ANO3: variants seen among roughly 807,000 people sequenced by gnomAD.
ANO3 encodes the protein anoctamin 3.
ANO3 carries 99 observed loss-of-function variants against 144.8 expected under a neutral mutation model. The observed-to-expected ratio is 0.68, with a 90% CI of 0.58 to 0.81. The LOEUF is 0.81. Ranked by LOEUF, ANO3 falls within the 30% of genes least tolerant of loss-of-function variation. ANO3 has a pLI of 0.00. For synonymous variants in ANO3, 414 were observed against 392.6 expected, an observed-to-expected ratio of 1.05 and a Z score of -0.64; for missense variants, 905 against 1,202.2, an observed-to-expected ratio of 0.75 and a Z score of 3.66.
intron 1 of ANO3, among the ~76,000 whole-genome samples, chr11:26,385,893 G>GTGTATATATATATATATATATATATA (rs1183332896): frequency 2.1e-5 from 3 of 143,694 alleles, no homozygotes; most frequent in African/African-American, 8.1e-5. Flanking sequence ...CTTTGTGTGT[G>GTGTATATATATATATATATATATATA]TATATATATT....
At chr11:26,403,834 T>C (rs937104114) in intron 1 of ANO3, among the ~76,000 whole-genome samples, 1 of 151,876 alleles carries the variant, frequency 6.6e-6, no homozygotes. Flanking sequence ...ATTTCAAGCA[T>C]TTTAAAATTC....
intron 1 of ANO3, among the ~76,000 whole-genome samples, chr11:26,400,001 T>A (rs1195747849): frequency 1.3e-5 from 2 of 152,112 alleles, no homozygotes; most frequent in Non-Finnish European, 2.9e-5. Context: ...CATATAATTC[T>A]GCTAACCACA....
At position 26,385,908 on chromosome 11, in the gene ANO3, T is replaced by TATATATATATATATATATATATAC. The variant is rs1310559300; in HGVS notation, c.46+53588_46+53589insTATATATATATATATATATATACA. On this transcript the variant is annotated intron_variant, in intron 1 of 26. Transcript: ENST00000256737. ...CTTTGTGTGTGTATATATATTTATA[T>TATATATATATATATATATATATAC]ACATATTTACATGTATAAGCATACA... Among the ~76,000 whole-genome samples the TATATATATATATATATATATATAC allele has an allele frequency of 2.5e-3, 376 of 149,334 alleles. 2 individuals carry two copies. Among genetic ancestry groups the TATATATATATATATATATATATAC allele is most frequent in the African/African-American group, 3.3e-3 (133 of 39,768 alleles).
At chr11:26,379,227 A>AAAAGATC (rs963055029) in intron 1 of ANO3, among the ~76,000 whole-genome samples, 35 of 152,316 alleles carry the variant, frequency 2.3e-4, no homozygotes, top group African/African-American at 7.9e-4. Context: ...GTGGAAAGAG[A>AAAAGATC]AAAGATCAAA....
intron 1 of ANO3, among the ~76,000 whole-genome samples, chr11:26,233,948 A>T (rs11029409): frequency 6.6e-6 from 1 of 151,808 alleles, no homozygotes; most frequent in Non-Finnish European, 1.5e-5. Flanking sequence ...GTCAGTAGGT[A>T]GGGGGCAAGG....
At chr11:26,447,598 A>C (rs1858750178) in intron 3 of ANO3, among the ~76,000 whole-genome samples, 1 of 152,264 alleles carries the variant, frequency 6.6e-6, no homozygotes, top group African/African-American at 2.4e-5. Flanking sequence ...AGGTGAAGAT[A>C]AAGCTGCATG....
rs1853696227 is a variant in ANO3 at position 26,656,575 on chromosome 11, A to G, written c.2763+94A>G. ...TTTGAAATCAGTTCCTCAGACTTCC[A>G]TAAAAACACTTAAGTAGGTCCCGTA... On this transcript the variant is annotated intron_variant, in intron 26 of 26. Coordinates refer to ENST00000256737, the MANE Select transcript of ANO3 (RefSeq NM_031418.4). 6.2e-6 allele frequency: 5 copies of G among 812,316 alleles called. No homozygotes were observed. The South Asian group carries it at 7.7e-5, about 12-fold the overall frequency. 50.3% of individuals were successfully genotyped at this position (812,316 alleles called of 1,614,324 possible).
chr11:26,447,667 AT>A (rs200504180), intron 3 of ANO3, among the ~76,000 whole-genome samples: 50 of 150,332 alleles, frequency 3.3e-4, no homozygotes, highest in African/African-American at 5.9e-4. Flanking sequence ...AATGAGTTTG[AT>A]TTTTTTTTTG....
chr11:26,567,002 A>C (rs1376787681), intron 14 of ANO3: 2 of 1,373,724 alleles, frequency 1.5e-6, no homozygotes, highest in African/African-American at 2.9e-5. Context: ...ATATATCTAT[A>C]GTGTCTTTTT....
intron 1 of ANO3, among the ~76,000 whole-genome samples, chr11:26,409,954 C>T (rs980785048): frequency 2.0e-5 from 3 of 151,898 alleles, no homozygotes; most frequent in African/African-American, 4.8e-5. Context: ...ATTTTCTACA[C>T]GATTGTAAGC....
intron 1 of ANO3, among the ~76,000 whole-genome samples, chr11:26,390,058 T>C (rs1488005641): frequency 6.6e-6 from 1 of 152,098 alleles, no homozygotes; most frequent in Non-Finnish European, 1.5e-5. Context: ...CAATAATCCA[T>C]TCAACCATTT....
chr11:26,393,746 T>C (rs996701588), intron 1 of ANO3, among the ~76,000 whole-genome samples: 1 of 152,232 alleles, frequency 6.6e-6, no homozygotes, highest in Admixed American at 6.5e-5. Context: ...GTCTCATTTT[T>C]TCTTTTGATG....
chr11:26,616,076 T>C (rs1195716143), intron 17 of ANO3, among the ~76,000 whole-genome samples: 2 of 152,342 alleles, frequency 1.3e-5, no homozygotes, highest in Non-Finnish European at 1.5e-5. Context: ...AGTAATCTTA[T>C]TTTTAAAATG....
intron 17 of ANO3, among the ~76,000 whole-genome samples, chr11:26,611,872 T>G (rs534495167): frequency 2.6e-5 from 4 of 152,088 alleles, no homozygotes; most frequent in Non-Finnish European, 5.9e-5. Flanking sequence ...TTTTTTTGTC[T>G]TTTTACAGTT....
intron 1 of ANO3, among the ~76,000 whole-genome samples, chr11:26,351,233 A>G (rs1409652656): frequency 2.0e-5 from 3 of 151,642 alleles, no homozygotes; most frequent in Admixed American, 1.3e-4. Context: ...TTCCATGGGT[A>G]CATTCTATTT....
chr11:26,621,477 C>T (rs1010459044), intron 17 of ANO3, among the ~76,000 whole-genome samples: 28 of 152,122 alleles, frequency 1.8e-4, no homozygotes, highest in Non-Finnish European at 7.3e-5. Flanking sequence ...TCATTGCATG[C>T]ACTTCTCTGC....
At chr11:26,351,895 A>G (rs2133913530) in intron 1 of ANO3, among the ~76,000 whole-genome samples, 1 of 152,304 alleles carries the variant, frequency 6.6e-6, no homozygotes, top group South Asian at 2.1e-4. Context: ...TTGAAAATGC[A>G]AAGACAGGTA....
intron 6 of ANO3, among the ~76,000 whole-genome samples, chr11:26,522,324 T>A (rs937290874): frequency 6.6e-6 from 1 of 152,152 alleles, no homozygotes; most frequent in Non-Finnish European, 1.5e-5. Context: ...GGCCAATCTA[T>A]AAAATAGGAG....
At chr11:26,656,034 T>C (rs1052283662) in intron 24 of ANO3, 91 bp from the exon 25 acceptor site, 4 of 1,022,330 alleles carry the variant, frequency 3.9e-6, no homozygotes, top group East Asian at 2.4e-5. Flanking sequence ...GAAAGAATAA[T>C]ACATTTGTAA....
Sources: gnomAD v4.1 joint callset for allele counts (sites outside exome capture counted in the v4.1 genomes callset) on GRCh38, gnomAD v4.1.1 for gene constraint, MANE v1.5 for transcripts, NCBI Gene and HGNC (gene_info 2026-07-23, HGNC 2026-07-21) for gene names.